The following HIVEP1 variants were observed in gnomAD, a reference collection of about 807,000 sequenced individuals.
HIVEP1 encodes the protein zinc finger protein 40.
In HIVEP1, 36 loss-of-function variants were observed where a neutral mutation model predicts 180.0. The observed-to-expected ratio is 0.20, with a 90% CI of 0.15 to 0.26. The LOEUF is 0.26. Among genes scored for constraint, HIVEP1 ranks in the 10% least tolerant of loss-of-function variants. The pLI is 1.00. For missense variants in HIVEP1, 3,143 were observed against 3,268.7 expected (o/e 0.96, Z 0.94); for synonymous variants, 1,239 against 1,239.0 (o/e 1.00, Z 0.00).
At chr6:12,078,719 C>CACACACACACACACACACACACACATAT (rs758199591) in intron 2 of HIVEP1, among the ~76,000 whole-genome samples, 1 of 146,358 alleles carries the variant, frequency 6.8e-6, no homozygotes, top group Non-Finnish European at 1.5e-5. Context: ...CACACACACA[C>CACACACACACACACACACACACACATAT]ATATATATAT....
chr6:12,099,049 A>G (rs1408216814), intron 3 of HIVEP1, among the ~76,000 whole-genome samples: 1 of 152,210 alleles, frequency 6.6e-6, no homozygotes, highest in Non-Finnish European at 1.5e-5. Flanking sequence ...ATTGCAATGA[A>G]AACAAATGTA....
chr6:12,168,118 A>G (rs1426648711), downstream of HIVEP1, among the ~76,000 whole-genome samples: 3 of 76,488 alleles, frequency 3.9e-5, 1 homozygote. Flanking sequence ...TGTATATTAT[A>G]TATACATATA....
Position 12,049,981 on chromosome 6 carries a change from T to C in HIVEP1, c.40+34313T>C, listed in dbSNP as rs550187419. On this transcript the variant is annotated intron_variant, in intron 2 of 8. Coordinates refer to ENST00000379388, the MANE Select transcript of HIVEP1 (RefSeq NM_002114.4). ...TTCTGGGGTGTTGCTGGCGATGATA[T>C]GGGCTCTCTGGAGCATATATATCCG... 1.1e-4 allele frequency among the ~76,000 whole-genome samples: 17 copies of C among 152,152 alleles called. 1 individual carries two copies. The highest frequency in any genetic ancestry group is 3.6e-4 in the African/African-American group (15 of 41,430).
intron 2 of HIVEP1, among the ~76,000 whole-genome samples, chr6:12,082,879 A>G (rs145848426): frequency 8.2e-4 from 125 of 152,224 alleles, no homozygotes; most frequent in Non-Finnish European, 1.3e-3. Flanking sequence ...AAATGTTTCC[A>G]TGTTTTAGGA....
chr6:12,164,167 A>C lies in HIVEP1; in HGVS notation c.7863A>C (p.Ala2621=), dbSNP rs894733487. ...AAGTTCTGAATCCACCTGCCCCTGC[A>C]GGTGACCATGCAAGGCTTGATGGCC... ...AKKVLNPPAP[A]GDHARLDGLS... Residue 2621 remains alanine, a synonymous_variant, in exon 9 of 9, where the codon GCA becomes GCC. Transcript: ENST00000379388. The C allele has an allele frequency of 1.9e-6, 3 of 1,614,122 alleles. No individual in the cohort carries two copies. The African/African-American group carries it at 4.0e-5, about 22-fold the overall frequency.
chr6:12,151,142 CA>C (rs534251327), intron 7 of HIVEP1, among the ~76,000 whole-genome samples: 2 of 152,128 alleles, frequency 1.3e-5, no homozygotes, highest in Non-Finnish European at 2.9e-5. Flanking sequence ...AAAACTTTGA[CA>C]AAAATGTTGC....
chr6:12,065,696 T>C (rs2876255), intron 2 of HIVEP1, among the ~76,000 whole-genome samples: 50,977 of 141,378 alleles, frequency 0.36, 8,429 homozygotes, highest in East Asian at 0.42. Flanking sequence ...TGTGTGCGTG[T>C]GTGTGTGTGT....
At chr6:12,013,217 C>T (rs888037719) in intron 1 of HIVEP1, among the ~76,000 whole-genome samples, 1 of 152,098 alleles carries the variant, frequency 6.6e-6, no homozygotes, top group African/African-American at 2.4e-5. Context: ...TTCCCCCCCT[C>T]CTCCTGGCAT....
intron 8 of HIVEP1, among the ~76,000 whole-genome samples, chr6:12,162,950 G>A (rs571891745): frequency 2.6e-5 from 4 of 152,284 alleles, no homozygotes; most frequent in Non-Finnish European, 4.4e-5. Context: ...AACAAAAATA[G>A]CAGCTTAAGA....
At chr6:12,053,742 A>G (rs2113726621) in intron 2 of HIVEP1, among the ~76,000 whole-genome samples, 1 of 152,376 alleles carries the variant, frequency 6.6e-6, no homozygotes, top group East Asian at 1.9e-4. Flanking sequence ...TCCTTTCTCA[A>G]TCATAGCAAA....
intron 2 of HIVEP1, among the ~76,000 whole-genome samples, chr6:12,046,845 C>CTGTGTGTGTGTGTG (rs372934680): frequency 0.12 from 17,042 of 140,774 alleles, 1,016 homozygotes; most frequent in Middle Eastern, 0.17. Flanking sequence ...TGCCACTACA[C>CTGTGTGTGTGTGTG]TGTGTGTGTG....
intron 7 of HIVEP1, among the ~76,000 whole-genome samples, chr6:12,150,652 T>G (rs1220858140): frequency 6.6e-6 from 1 of 152,166 alleles, no homozygotes; most frequent in Non-Finnish European, 1.5e-5. Flanking sequence ...CATAATAGGC[T>G]TTAGGATTTA....
intron 2 of HIVEP1, among the ~76,000 whole-genome samples, chr6:12,029,805 A>G (rs964855161): frequency 1.3e-5 from 2 of 152,168 alleles, no homozygotes; most frequent in African/African-American, 4.8e-5. Context: ...CCTTTACACA[A>G]TCTTTTTTAA....
At chr6:12,205,340 A>G in the HIVEP1 span, among the ~76,000 whole-genome samples, 55 of 152,206 alleles carry the variant, frequency 3.6e-4, no homozygotes, top group East Asian at 7.8e-4. Context: ...GCTTGGTGGC[A>G]GGCGCCTGTA....
chr6:12,104,592 T>A (rs1204798416), intron 3 of HIVEP1, among the ~76,000 whole-genome samples: 1 of 151,768 alleles, frequency 6.6e-6, no homozygotes. Context: ...ATTATATTTG[T>A]TTTTTGTTTT....
Position 12,124,581 on chromosome 6 carries a change from G to A in HIVEP1, c.4786G>A (p.Val1596Met). Residue 1596 changes from valine to methionine, a missense_variant, in exon 4 of 9, where the codon GTG becomes ATG. By Grantham distance (21) the Val-to-Met change is conservative. Around this residue, in one of 12 missense-constraint regions of HIVEP1, gnomAD observed 1,357 missense variants for 1,260.5 expected, o/e 1.08. Transcript: ENST00000379388. The stretch of plus-strand genomic sequence containing the variant: ...AGATCCAGTTGGAACAGATCATTGT[G>A]TGACATCAGCAACATTACCAACCAA... The part of the protein sequence containing the change: ...ISDPVGTDHC[V>M]TSATLPTKLI... 6.2e-7 allele frequency: 1 copy of A among 1,614,076 alleles called. No individual in the cohort carries two copies. Among genetic ancestry groups the A allele is most frequent in the Non-Finnish European group, 8.5e-7 (1 of 1,180,002 alleles).
At chr6:12,073,064 G>C (rs1772090759) in intron 2 of HIVEP1, among the ~76,000 whole-genome samples, 1 of 152,094 alleles carries the variant, frequency 6.6e-6, no homozygotes, top group South Asian at 2.1e-4. Context: ...ATTGTCATCT[G>C]CATCTGAAGA....
At chr6:12,155,892 T>A (rs1238627570) in intron 7 of HIVEP1, among the ~76,000 whole-genome samples, 1 of 152,230 alleles carries the variant, frequency 6.6e-6, no homozygotes, top group Non-Finnish European at 1.5e-5. Flanking sequence ...CATTCCTTTT[T>A]CTCTGCAACC....
intron 2 of HIVEP1, among the ~76,000 whole-genome samples, chr6:12,028,116 G>A (rs1302327958): frequency 1.3e-5 from 2 of 152,138 alleles, no homozygotes; most frequent in African/African-American, 4.8e-5. Flanking sequence ...GTTAGCACGT[G>A]GCTCAAAATA....
Sources: allele counts gnomAD v4.1 joint callset (sites outside exome capture counted in the v4.1 genomes callset), GRCh38; gene constraint gnomAD v4.1.1; regional missense constraint gnomAD v4.1.1; transcripts MANE v1.5; gene names NCBI Gene and HGNC (gene_info 2026-07-23, HGNC 2026-07-21).